The following WSCD2 variants were observed in gnomAD, a reference collection of about 807,000 sequenced individuals.
WSCD2 encodes the protein sialate:O-sulfotransferase 2.
WSCD2 carries 28 observed loss-of-function variants against 55.7 expected under a neutral mutation model. The observed-to-expected ratio is 0.50, with a 90% CI of 0.37 to 0.69. The LOEUF (loss-of-function observed/expected upper bound fraction) is 0.69. WSCD2 is among the 30% of genes least tolerant of loss of function. WSCD2 has a pLI of 0.00. For synonymous variants in WSCD2, 301 were observed against 301.9 expected (o/e 1.00, Z 0.03); for missense variants, 616 against 762.1 (o/e 0.81, Z 2.26).
At chr12:108,231,001 T>C (rs1478411964) in intron 6 of WSCD2, among the ~76,000 whole-genome samples, 3 of 152,144 alleles carry the variant, frequency 2.0e-5, no homozygotes, top group African/African-American at 4.8e-5. Flanking sequence ...AGGGAGCTAT[T>C]TGTTCCTGTT....
intron 1 of WSCD2, among the ~76,000 whole-genome samples, chr12:108,178,922 T>C (rs993461934): frequency 1.3e-5 from 2 of 152,164 alleles, no homozygotes; most frequent in African/African-American, 2.4e-5. Context: ...AGGCATTCAT[T>C]CTCATTTAAT....
chr12:108,191,540 C>G (rs1883161359), intron 1 of WSCD2, among the ~76,000 whole-genome samples: 1 of 152,194 alleles, frequency 6.6e-6, no homozygotes, highest in African/African-American at 2.4e-5. Flanking sequence ...CTCCACAGAG[C>G]CCTGGATTTA....
intron 4 of WSCD2, among the ~76,000 whole-genome samples, chr12:108,220,944 G>T (rs1887446056): frequency 6.6e-6 from 1 of 152,162 alleles, no homozygotes; most frequent in African/African-American, 2.4e-5. Context: ...TCTGTTGTTT[G>T]TCAGCTCTGT....
chr12:108,240,537 G>A lies in WSCD2; in HGVS notation c.1338G>A (p.Lys446=), dbSNP rs1465986829. The A allele has an allele frequency of 2.5e-6, 4 of 1,609,720 alleles. No homozygotes were observed. The Admixed American group carries it at 5.0e-5, about 20-fold the overall frequency. The change falls in exon 8 of 9, where the codon AAG becomes AAA. Residue 446 remains lysine (K), a synonymous_variant. Transcript: ENST00000547525. The part of the protein sequence containing the change: ...HIGFAAHAHW[K]GKEWPEFVRN... ...GCTTTGCTGCGCATGCCCACTGGAAGGGCAAAGGTACAGCTCGGGAGAGGA... is the reference window on the plus strand; with the variant it reads ...GCTTTGCTGCGCATGCCCACTGGAAAGGCAAAGGTACAGCTCGGGAGAGGA...
At chr12:108,224,941 G>A in intron 5 of WSCD2, 81 bp downstream of exon 5, 2 of 1,549,688 alleles carry the variant, frequency 1.3e-6, no homozygotes, top group Non-Finnish European at 1.7e-6. Context: ...CTTGGCTGGA[G>A]AAGCAACAGC....
At chr12:108,175,794 G>A (rs1373058551) in intron 1 of WSCD2, among the ~76,000 whole-genome samples, 1 of 152,046 alleles carries the variant, frequency 6.6e-6, no homozygotes, top group Non-Finnish European at 1.5e-5. Context: ...CAGCATAGGA[G>A]GAAAAAAGCA....
intron 7 of WSCD2, among the ~76,000 whole-genome samples, 194 bp from the exon 8 acceptor site, chr12:108,240,150 G>A (rs1217883523): frequency 1.3e-5 from 2 of 152,172 alleles, no homozygotes; most frequent in African/African-American, 4.8e-5. Context: ...TTGAAGACCC[G>A]TGAATGTTTT....
chr12:108,199,932 C>T (rs1444771108), intron 2 of WSCD2, among the ~76,000 whole-genome samples: 2 of 152,124 alleles, frequency 1.3e-5, no homozygotes, highest in African/African-American at 2.4e-5. Flanking sequence ...TTGCATACTA[C>T]CTTAATACAT....
chr12:108,186,522 C>G (rs1331250342), intron 1 of WSCD2, among the ~76,000 whole-genome samples: 1 of 152,236 alleles, frequency 6.6e-6, no homozygotes, highest in African/African-American at 2.4e-5. Flanking sequence ...CACCCTCCCT[C>G]TAGCCCTCAG....
intron 7 of WSCD2, among the ~76,000 whole-genome samples, chr12:108,238,099 C>T (rs1322147288): frequency 1.3e-5 from 2 of 152,218 alleles, no homozygotes; most frequent in African/African-American, 4.8e-5. Context: ...GAATACATGA[C>T]ACGAAATTAT....
intron 1 of WSCD2, among the ~76,000 whole-genome samples, chr12:108,181,134 A>G (rs1447001360): frequency 6.6e-6 from 1 of 152,128 alleles, no homozygotes. Flanking sequence ...TGAGAAATGA[A>G]AGGAGCTTAT....
intron 8 of WSCD2, chr12:108,244,668 G>T: frequency 1.4e-6 from 1 of 693,700 alleles, no homozygotes; most frequent in Admixed American, 2.0e-5. Context: ...TACCTCATGT[G>T]GGGAGGAGCT....
intron 1 of WSCD2, among the ~76,000 whole-genome samples, chr12:108,144,376 G>A (rs544205043): frequency 3.9e-5 from 6 of 152,270 alleles, no homozygotes; most frequent in East Asian, 1.9e-4. Context: ...GGAATTCAGC[G>A]AGAATGGCTG....
intron 4 of WSCD2, among the ~76,000 whole-genome samples, chr12:108,221,290 C>G (rs1461284612): frequency 6.6e-6 from 1 of 152,128 alleles, no homozygotes; most frequent in African/African-American, 2.4e-5. Context: ...TGTGGTGACT[C>G]ACGCCTGTAA....
At chr12:108,231,957 TG>T (rs1888806417) in intron 6 of WSCD2, among the ~76,000 whole-genome samples, 1 of 151,970 alleles carries the variant, frequency 6.6e-6, no homozygotes, top group African/African-American at 2.4e-5. Flanking sequence ...GGATAGACAG[TG>T]GGACCCATTC....
chr12:108,168,091 G>C lies in WSCD2; in HGVS notation c.-551-27191G>C, dbSNP rs537213247. Reference sequence around the variant, plus strand: ...TCTCTTTCTGTCTCAACTCATTCTTGTGCCACATTGCCTGAAAATAACAAG... The same window carrying C: ...TCTCTTTCTGTCTCAACTCATTCTTCTGCCACATTGCCTGAAAATAACAAG... On this transcript the variant is annotated intron_variant, in intron 1 of 8. Transcript: ENST00000547525. 3.9e-5 allele frequency among the ~76,000 whole-genome samples: 6 copies of C among 152,296 alleles called. No homozygotes were observed. In the South Asian group the frequency reaches 1.2e-3, roughly 32 times the overall value.
intron 2 of WSCD2, among the ~76,000 whole-genome samples, chr12:108,202,367 T>C (rs1287876698): frequency 2.0e-5 from 3 of 152,184 alleles, no homozygotes; most frequent in Non-Finnish European, 4.4e-5. Flanking sequence ...ACCATGTATC[T>C]TCCTCTCCCT....
intron 6 of WSCD2, among the ~76,000 whole-genome samples, chr12:108,230,773 G>A (rs1325571026): frequency 2.0e-5 from 3 of 152,210 alleles, no homozygotes; most frequent in East Asian, 3.9e-4. Flanking sequence ...GAGTAATCAC[G>A]TGAGGTGAGC....
intron 1 of WSCD2, among the ~76,000 whole-genome samples, chr12:108,165,682 T>C (rs1879531912): frequency 6.6e-6 from 1 of 152,258 alleles, no homozygotes; most frequent in Admixed American, 6.5e-5. Flanking sequence ...ATCCCAAACT[T>C]AAATAATCAG....
Sources: gnomAD v4.1 joint callset for allele counts (sites outside exome capture counted in the v4.1 genomes callset) on GRCh38, gnomAD v4.1.1 for gene constraint, MANE v1.5 for transcripts, NCBI Gene and HGNC (gene_info 2026-07-23, HGNC 2026-07-21) for gene names.